Variants in SEMA3D observed in about 807,000 individuals in gnomAD.
SEMA3D encodes semaphorin 3D, also known as semaphorin-3D.
In SEMA3D, 84 loss-of-function variants were observed where a neutral mutation model predicts 100.1. The ratio of observed to expected loss-of-function variants is 0.84; its 90% CI spans 0.70 to 1.01. The LOEUF (loss-of-function observed/expected upper bound fraction) is 1.01, where lower values mean the gene tolerates loss of function less well. Among genes scored for constraint, SEMA3D ranks in the 50% least tolerant of loss-of-function variants. SEMA3D has a pLI of 0.00. For missense variants in SEMA3D, 875 were observed against 934.1 expected, an observed-to-expected ratio of 0.94 and a Z score of 0.82; for synonymous variants, 312 against 320.7, an observed-to-expected ratio of 0.97 and a Z score of 0.29.
intron 7 of SEMA3D, 39 bp from the exon 8 acceptor site, chr7:85,065,591 A>G: frequency 3.2e-6 from 5 of 1,556,516 alleles, no homozygotes; most frequent in Non-Finnish European, 4.4e-6. Context: ...TTTTAAGAGT[A>G]CAGCAGTAGA....
At chr7:85,193,654 G>GAAACA in the SEMA3D span, among the ~76,000 whole-genome samples, 1 of 151,888 alleles carries the variant, frequency 6.6e-6, no homozygotes, top group African/African-American at 2.4e-5. Flanking sequence ...AATGGAGGGG[G>GAAACA]AAACAAAACA....
chr7:85,004,944 T>A (rs947114403), intron 18 of SEMA3D, among the ~76,000 whole-genome samples: 1 of 151,960 alleles, frequency 6.6e-6, no homozygotes, highest in Non-Finnish European at 1.5e-5. Context: ...GAATATATAA[T>A]ATACTTTTAA....
At chr7:85,040,829 TCTAAA>T (rs1402553719) in intron 10 of SEMA3D, 87 bp from the exon 11 acceptor site, 2 of 679,630 alleles carry the variant, frequency 2.9e-6, no homozygotes, top group Non-Finnish European at 5.3e-6. Context: ...ACTCTGAAAA[TCTAAA>T]CAGTTTATAC....
chr7:85,114,052 T>A (rs1258947940), intron 3 of SEMA3D, among the ~76,000 whole-genome samples: 1 of 152,218 alleles, frequency 6.6e-6, no homozygotes, highest in Non-Finnish European at 1.5e-5. Flanking sequence ...AGACTCTCAA[T>A]ACTATCTAAG....
intron 9 of SEMA3D, among the ~76,000 whole-genome samples, chr7:85,050,070 GAAACAC>G (rs1199180712): frequency 9.3e-6 from 1 of 107,938 alleles, no homozygotes; most frequent in Admixed American, 1.2e-4. Flanking sequence ...GTCTTGAAGG[GAAACAC>G]ACACACACAC....
intron 1 of SEMA3D, among the ~76,000 whole-genome samples, chr7:85,183,637 T>C (rs1791461051): frequency 6.6e-6 from 1 of 152,240 alleles, no homozygotes; most frequent in African/African-American, 2.4e-5. Flanking sequence ...AAGCAAATCA[T>C]TAGTAAAGAC....
At chr7:85,187,351 G>A (rs917649546), upstream of SEMA3D, among the ~76,000 whole-genome samples, 1 of 152,126 alleles carries the variant, frequency 6.6e-6, no homozygotes, top group Admixed American at 6.5e-5. Flanking sequence ...CCTGTTAAGG[G>A]ACCCCATGAG....
intron 1 of SEMA3D, among the ~76,000 whole-genome samples, chr7:85,184,937 C>G (rs1791500726): frequency 6.6e-6 from 1 of 152,194 alleles, no homozygotes. Context: ...ACTCCCAACC[C>G]CGATCTTCTT....
chr7:85,091,039 AAG>A (rs924822690), intron 4 of SEMA3D, among the ~76,000 whole-genome samples: 7 of 151,002 alleles, frequency 4.6e-5, no homozygotes, highest in African/African-American at 1.2e-4. Context: ...GAAAGAAAGA[AAG>A]AGAGAGAGAA....
intron 3 of SEMA3D, among the ~76,000 whole-genome samples, chr7:85,104,777 T>A (rs1364062007): frequency 6.7e-6 from 1 of 150,020 alleles, no homozygotes; most frequent in East Asian, 2.0e-4. Context: ...ACTACATAGA[T>A]TAAAAAAAAA....
intron 5 of SEMA3D, among the ~76,000 whole-genome samples, chr7:85,076,811 T>C (rs1030164062): frequency 6.6e-6 from 1 of 152,088 alleles, no homozygotes; most frequent in Non-Finnish European, 1.5e-5. Flanking sequence ...ATCTTTAAAA[T>C]AGGGCTGTGC....
chr7:85,240,830 A>G, the SEMA3D span, among the ~76,000 whole-genome samples: 2 of 152,122 alleles, frequency 1.3e-5, no homozygotes, highest in Non-Finnish European at 2.9e-5. Context: ...TGGGATTTTA[A>G]TGCTGTCTTT....
chr7:85,010,234 G>C (rs558435359), intron 17 of SEMA3D, among the ~76,000 whole-genome samples: 1 of 151,840 alleles, frequency 6.6e-6, no homozygotes, highest in African/African-American at 2.4e-5. Flanking sequence ...TGATGTGAGA[G>C]AGGGTCAGAG....
intron 2 of SEMA3D, among the ~76,000 whole-genome samples, chr7:85,130,889 G>A (rs1300774412): frequency 6.6e-6 from 1 of 152,008 alleles, no homozygotes; most frequent in Non-Finnish European, 1.5e-5. Context: ...AAAAAGCCAA[G>A]GTCTGTCACT....
At chr7:85,102,904 A>T (rs563583189) in intron 3 of SEMA3D, among the ~76,000 whole-genome samples, 70 of 152,194 alleles carry the variant, frequency 4.6e-4, no homozygotes, top group African/African-American at 1.7e-3. Flanking sequence ...ACAAGAAAAA[A>T]CAGCTGAAAA....
intron 2 of SEMA3D, among the ~76,000 whole-genome samples, chr7:85,125,089 G>A (rs1190456499): frequency 6.6e-6 from 1 of 152,030 alleles, no homozygotes; most frequent in African/African-American, 2.4e-5. Flanking sequence ...AAAGTGAAAG[G>A]TAAAATGAAT....
intron 8 of SEMA3D, 81 bp from the exon 9 acceptor site, chr7:85,055,940 G>A: frequency 1.4e-6 from 1 of 718,382 alleles, no homozygotes. Context: ...CCACGTAAAA[G>A]CAATTAGCAG....
chr7:85,034,604 CA>C (rs907963747), intron 12 of SEMA3D, among the ~76,000 whole-genome samples: 13 of 151,060 alleles, frequency 8.6e-5, no homozygotes, highest in Non-Finnish European at 1.5e-4. Context: ...GAGACTCTGA[CA>C]AAAAAACAAA....
intron 3 of SEMA3D, among the ~76,000 whole-genome samples, chr7:85,118,404 G>C (rs1349887867): frequency 6.6e-6 from 1 of 151,854 alleles, no homozygotes. Context: ...TGTATGTCTA[G>C]TATGTTTTTA....
Sources: allele counts gnomAD v4.1 joint callset (sites outside exome capture counted in the v4.1 genomes callset), GRCh38; gene constraint gnomAD v4.1.1; transcripts MANE v1.5; gene names NCBI Gene and HGNC (gene_info 2026-07-23, HGNC 2026-07-21).